The following N4BP2L2 variants were observed in gnomAD, a reference collection of about 807,000 sequenced individuals.
The protein encoded by N4BP2L2 is NEDD4-binding protein 2-like 2.
Under a neutral mutation model 56.2 loss-of-function variants are expected in N4BP2L2, and 50 were observed. The observed-to-expected ratio is 0.89, with a 90% CI of 0.71 to 1.13. N4BP2L2 has a LOEUF of 1.13. N4BP2L2 is among the 50% of genes most tolerant of loss of function. The probability of loss-of-function intolerance (pLI) is 0.00; values close to 1 mark genes in which losing one functional copy is unlikely to be tolerated. For missense variants in N4BP2L2, 689 were observed against 693.8 expected, an observed-to-expected ratio of 0.99 and a Z score of 0.08; for synonymous variants, 203 against 223.6, an observed-to-expected ratio of 0.91 and a Z score of 0.82.
At chr13:32,522,352 G>GTT in intron 3 of N4BP2L2, 82 bp from the exon 4 acceptor site, 3 of 925,578 alleles carry the variant, frequency 3.2e-6, no homozygotes, top group South Asian at 1.9e-5. Flanking sequence ...ATTAAGAAAT[G>GTT]TACTACGTCT....
At chr13:32,450,472 C>A (rs905867153) in intron 6 of N4BP2L2, among the ~76,000 whole-genome samples, 3 of 151,564 alleles carry the variant, frequency 2.0e-5, no homozygotes, top group African/African-American at 7.3e-5. Context: ...CTACAGGCGC[C>A]TGCAACCATG....
At chr13:32,462,905 C>T (rs1048707037) in intron 6 of N4BP2L2, among the ~76,000 whole-genome samples, 2 of 143,418 alleles carry the variant, frequency 1.4e-5, no homozygotes, top group African/African-American at 2.6e-5. Flanking sequence ...TAGCCAGGCA[C>T]AGCAGCGCAT....
At chr13:32,493,343 A>G (rs1184980033) in intron 6 of N4BP2L2, among the ~76,000 whole-genome samples, 1 of 152,110 alleles carries the variant, frequency 6.6e-6, no homozygotes. Flanking sequence ...TATGTTGCAC[A>G]TGTCCAAGAA....
exon 4 of N4BP2L2, chr13:32,522,193 A>G (rs1594050119): frequency 6.5e-7 from 1 of 1,550,312 alleles, no homozygotes; most frequent in Non-Finnish European, 8.8e-7. Flanking sequence ...ACTTCCACAT[A>G]TGGCTTCATT....
At position 32,538,771 on chromosome 13, in the gene N4BP2L2, A is replaced by C. The variant is rs1594142434; in HGVS notation, c.-154T>G. The C allele has an allele frequency of 5.1e-6, 5 of 985,312 alleles. 1 individual carries two copies. The African/African-American group carries it at 8.7e-5, about 17-fold the overall frequency. 61.0% of individuals were successfully genotyped at this position (985,312 alleles called of 1,614,324 possible). ...CCACCTCTCAGAATCGCGGTAACAA[A>C]CCTCACCTCCGTACGCAAGATGGCG... On this transcript the variant is annotated 5_prime_UTR_variant, in exon 1 of 6. Transcript: ENST00000267068.
At chr13:32,443,238 G>A (rs1443438638) in exon 7 of N4BP2L2, 1 of 1,613,824 alleles carries the variant, frequency 6.2e-7, no homozygotes, top group Non-Finnish European at 8.5e-7. Context: ...TTTCTGGATT[G>A]TTTCCTGGTT....
intron 6 of N4BP2L2, among the ~76,000 whole-genome samples, chr13:32,475,098 T>C (rs955918521): frequency 1.3e-5 from 2 of 152,220 alleles, no homozygotes; most frequent in Non-Finnish European, 2.9e-5. Context: ...CAAAGCATTC[T>C]CATATTCAAA....
At chr13:32,514,128 A>T (rs1329454614) in exon 6 of N4BP2L2, 2 of 152,170 alleles carry the variant, frequency 1.3e-5, no homozygotes, top group East Asian at 1.9e-4. Flanking sequence ...TCCAACAATT[A>T]AAAAAATTCA....
chr13:32,442,831 T>C (rs1284664515), exon 7 of N4BP2L2: 14 of 1,613,742 alleles, frequency 8.7e-6, no homozygotes, highest in Non-Finnish European at 1.2e-5. Context: ...TCCATCAATA[T>C]TTAAAGGGGT....
chr13:32,526,818 GTTTTT>G (rs35925361), intron 3 of N4BP2L2: 10 of 24,236 alleles, frequency 4.1e-4, no homozygotes, highest in African/African-American at 6.8e-4. Flanking sequence ...CTTTTTGTCT[GTTTTT>G]TTTTTTTTTT....
intron 6 of N4BP2L2, among the ~76,000 whole-genome samples, chr13:32,495,683 C>T (rs2139434765): frequency 6.6e-6 from 1 of 152,072 alleles, no homozygotes; most frequent in Non-Finnish European, 1.5e-5. Context: ...GGCAAATGCC[C>T]GCTGCCTCTT....
intron 6 of N4BP2L2, among the ~76,000 whole-genome samples, chr13:32,445,236 G>A (rs1300301833): frequency 6.6e-6 from 1 of 151,666 alleles, no homozygotes; most frequent in East Asian, 1.9e-4. Flanking sequence ...GGCCCACAGG[G>A]CAAGACTCCA....
chr13:32,464,271 T>A (rs1009498002), intron 6 of N4BP2L2, among the ~76,000 whole-genome samples: 1 of 152,200 alleles, frequency 6.6e-6, no homozygotes, highest in Non-Finnish European at 1.5e-5. Flanking sequence ...TCTAACTGGA[T>A]TGTTACAAAT....
At chr13:32,510,381 C>T (rs2091590991) in exon 6 of N4BP2L2, 1 of 151,174 alleles carries the variant, frequency 6.6e-6, no homozygotes, top group Admixed American at 6.6e-5. Context: ...CCTTACAGTA[C>T]AACAGTATAT....
intron 6 of N4BP2L2, among the ~76,000 whole-genome samples, chr13:32,471,395 C>T (rs2082261765): frequency 1.3e-5 from 2 of 152,218 alleles, no homozygotes; most frequent in African/African-American, 4.8e-5. Context: ...CAGGCGCATA[C>T]TCCACTTGTT....
At chr13:32,516,865 C>CA in exon 6 of N4BP2L2, 1 of 982,886 alleles carries the variant, frequency 1.0e-6, no homozygotes, top group Non-Finnish European at 1.2e-6. Flanking sequence ...GGTTTGAAGG[C>CA]AGGGGATGAA....
chr13:32,535,828 C>T, exon 2 of N4BP2L2: 1 of 1,614,122 alleles, frequency 6.2e-7, no homozygotes, highest in South Asian at 1.1e-5. Context: ...GTAACTTCTG[C>T]AATTTATTTA....
At chr13:32,460,539 C>T (rs1566060043) in intron 6 of N4BP2L2, among the ~76,000 whole-genome samples, 1 of 151,926 alleles carries the variant, frequency 6.6e-6, no homozygotes, top group Non-Finnish European at 1.5e-5. Context: ...ATGAAAAAGG[C>T]AATTCCATTT....
intron 6 of N4BP2L2, among the ~76,000 whole-genome samples, chr13:32,474,036 TG>T (rs1287894726): frequency 2.6e-5 from 4 of 152,222 alleles, no homozygotes; most frequent in African/African-American, 9.6e-5. Context: ...ATAGAATTTT[TG>T]TTAATTTGCT....
Sources: allele counts gnomAD v4.1 joint callset (sites outside exome capture counted in the v4.1 genomes callset), GRCh38; gene constraint gnomAD v4.1.1; transcripts MANE v1.5; gene names NCBI Gene and HGNC (gene_info 2026-07-23, HGNC 2026-07-21).